FBXW11: variants seen among roughly 807,000 people sequenced by gnomAD.
The protein encoded by FBXW11 is F-box/WD repeat-containing protein 11.
Under a neutral mutation model 77.6 loss-of-function variants are expected in FBXW11, and 19 were observed. The observed-to-expected ratio is 0.24, with a 90% confidence interval of 0.17 to 0.36. The LOEUF (loss-of-function observed/expected upper bound fraction) is 0.36, where lower values mean the gene tolerates loss of function less well. Ranked by LOEUF, FBXW11 falls within the 10% of genes least tolerant of loss-of-function variation. FBXW11 has a pLI of 1.00. For synonymous variants in FBXW11, 235 were observed against 249.4 expected, an observed-to-expected ratio of 0.94 and a Z score of 0.54; for missense variants, 334 against 704.2, an observed-to-expected ratio of 0.47 and a Z score of 5.95.
intron 10 of FBXW11, 97 bp from the exon 11 acceptor site, chr5:171,870,955 C>T: frequency 3.8e-6 from 3 of 783,848 alleles, no homozygotes; most frequent in Non-Finnish European, 6.5e-6. Flanking sequence ...TACAATTTTT[C>T]ACTATCTTGG....
intron 1 of FBXW11, among the ~76,000 whole-genome samples, chr5:171,983,540 G>C (rs1165794369): frequency 1.3e-5 from 2 of 152,046 alleles, no homozygotes; most frequent in Non-Finnish European, 2.9e-5. Flanking sequence ...TGTGGGATCG[G>C]ACACTATCTC....
intron 3 of FBXW11, among the ~76,000 whole-genome samples, chr5:171,912,907 C>CAAA (rs538848079): frequency 1.7e-5 from 2 of 114,560 alleles, no homozygotes; most frequent in African/African-American, 6.5e-5. Flanking sequence ...AAGACTGCGT[C>CAAA]AAAAAAAAAA....
intron 6 of FBXW11, among the ~76,000 whole-genome samples, chr5:171,893,398 C>A (rs1258488352): frequency 2.8e-5 from 2 of 70,956 alleles, no homozygotes; most frequent in Non-Finnish European, 5.2e-5. Flanking sequence ...AAATATTAGA[C>A]ATACAAAAGC....
intron 7 of FBXW11, among the ~76,000 whole-genome samples, chr5:171,887,617 A>T (rs1401056877): frequency 6.6e-6 from 1 of 151,876 alleles, no homozygotes; most frequent in Admixed American, 6.6e-5. Flanking sequence ...AACAATCTGC[A>T]TGGGGGTGAA....
chr5:171,933,614 G>A lies in FBXW11; in HGVS notation c.148-19209C>T, dbSNP rs1292259727. ...GTGTATGTGGGTAGAAGGGATCCTA[G>A]AATCCCAGGAGGAAGTATTCTAGGA... On this transcript the variant is annotated intron_variant, in intron 2 of 13. Coordinates refer to ENST00000517395, the MANE Select transcript of FBXW11 (RefSeq NM_001378974.1). Among the ~76,000 whole-genome samples, 3 of 151,986 alleles carry A rather than the reference G, an allele frequency of 2.0e-5. No homozygotes were observed. In the East Asian group the frequency reaches 5.8e-4, roughly 29 times the overall value.
chr5:171,918,438 GA>G (rs1486552993), intron 2 of FBXW11, among the ~76,000 whole-genome samples: 1 of 152,142 alleles, frequency 6.6e-6, no homozygotes, highest in Non-Finnish European at 1.5e-5. Flanking sequence ...CAAGAGAAAA[GA>G]AAGGTCATTT....
intron 2 of FBXW11, among the ~76,000 whole-genome samples, chr5:171,930,665 T>C (rs1762120413): frequency 6.7e-6 from 1 of 150,298 alleles, no homozygotes; most frequent in Non-Finnish European, 1.5e-5. Context: ...CCCTCCACTA[T>C]TGTCCTATGA....
At position 171,911,183 on chromosome 5, in the gene FBXW11, T is replaced by C. The variant is rs570930877; in HGVS notation, c.211-386A>G. ...AGAGAAACTGCTCAACTTGGCAAAGTGGCAACTGATTATTAACAGTTTGTT... is the reference window on the plus strand; with the variant it reads ...AGAGAAACTGCTCAACTTGGCAAAGCGGCAACTGATTATTAACAGTTTGTT... On this transcript the variant is annotated intron_variant, in intron 3 of 13. Transcript: ENST00000517395. Among the ~76,000 whole-genome samples the C allele has an allele frequency of 2.3e-4, 35 of 152,362 alleles. 1 individual carries two copies. The South Asian group carries it at 7.2e-3, about 32-fold the overall frequency.
At chr5:171,933,194 T>C (rs890500963) in intron 2 of FBXW11, among the ~76,000 whole-genome samples, 4 of 124,546 alleles carry the variant, frequency 3.2e-5, no homozygotes, top group Non-Finnish European at 6.7e-5. Context: ...TCCAATGAAA[T>C]GAGGCATCAA....
At chr5:171,979,429 T>C (rs1319069944) in intron 1 of FBXW11, among the ~76,000 whole-genome samples, 1 of 152,212 alleles carries the variant, frequency 6.6e-6, no homozygotes, top group African/African-American at 2.4e-5. Context: ...AATGGAAACT[T>C]TGTTCTTTTT....
At chr5:171,917,055 G>A (rs1761302568) in intron 2 of FBXW11, among the ~76,000 whole-genome samples, 1 of 152,060 alleles carries the variant, frequency 6.6e-6, no homozygotes, top group Admixed American at 6.6e-5. Context: ...CAAGTAGCTG[G>A]GACTACGGGC....
At chr5:171,918,015 T>C (rs928015410) in intron 2 of FBXW11, among the ~76,000 whole-genome samples, 1 of 151,974 alleles carries the variant, frequency 6.6e-6, no homozygotes, top group Non-Finnish European at 1.5e-5. Flanking sequence ...TGGCAAACAC[T>C]GGACTAGAGC....
chr5:171,974,290 C>T (rs1471883341), intron 1 of FBXW11, among the ~76,000 whole-genome samples: 2 of 151,910 alleles, frequency 1.3e-5, no homozygotes, highest in East Asian at 1.9e-4. Context: ...CAAAATTAGC[C>T]GGGCGTGGTG....
At chr5:172,005,053 C>A (rs1415026385) in intron 1 of FBXW11, among the ~76,000 whole-genome samples, 2 of 152,186 alleles carry the variant, frequency 1.3e-5, no homozygotes, top group Non-Finnish European at 2.9e-5. Context: ...CATCTCAACT[C>A]CCCAGACACC....
At chr5:171,919,022 G>A (rs541038496) in intron 2 of FBXW11, among the ~76,000 whole-genome samples, 3 of 152,176 alleles carry the variant, frequency 2.0e-5, no homozygotes, top group South Asian at 2.1e-4. Context: ...TCCTTGGCCC[G>A]TGTGACAGTC....
chr5:171,942,539 C>T (rs915950839), intron 2 of FBXW11, among the ~76,000 whole-genome samples: 1 of 152,194 alleles, frequency 6.6e-6, no homozygotes, highest in Non-Finnish European at 1.5e-5. Context: ...ACAGCTACCA[C>T]CTGTAATCCT....
At chr5:171,935,565 A>G (rs866254891) in intron 2 of FBXW11, among the ~76,000 whole-genome samples, 72 of 152,168 alleles carry the variant, frequency 4.7e-4, no homozygotes, top group African/African-American at 1.7e-3. Context: ...TTAAAAATAA[A>G]GAAAAAATGT....
chr5:171,962,248 C>T (rs2113353243), intron 1 of FBXW11, among the ~76,000 whole-genome samples: 1 of 152,274 alleles, frequency 6.6e-6, no homozygotes, highest in South Asian at 2.1e-4. Context: ...AAGCCTCTTT[C>T]CCCTTAAGAC....
chr5:171,935,432 T>A (rs1762424070), intron 2 of FBXW11, among the ~76,000 whole-genome samples: 2 of 151,986 alleles, frequency 1.3e-5, no homozygotes, highest in Middle Eastern at 3.2e-3. Context: ...AAAACGATAA[T>A]TCAAAAAGCT....
Sources: gnomAD v4.1 joint callset for allele counts (sites outside exome capture counted in the v4.1 genomes callset) on GRCh38, gnomAD v4.1.1 for gene constraint, MANE v1.5 for transcripts, NCBI Gene and HGNC (gene_info 2026-07-23, HGNC 2026-07-21) for gene names.